Variants in KCNB2 observed in about 807,000 individuals in gnomAD.
KCNB2 encodes the protein potassium voltage-gated channel subfamily B member 2, also known as delayed rectifier potassium channel protein.
In KCNB2, 15 loss-of-function variants were observed where a neutral mutation model predicts 61.5. The observed-to-expected ratio is 0.24, with a 90% CI of 0.16 to 0.38. KCNB2 has a LOEUF of 0.38. Ranked by LOEUF, KCNB2 falls within the 10% of genes least tolerant of loss-of-function variation. The probability of loss-of-function intolerance (pLI) is 1.00; values close to 1 mark genes in which losing one functional copy is unlikely to be tolerated. For synonymous variants in KCNB2, 457 were observed against 446.0 expected, an observed-to-expected ratio of 1.02 and a Z score of -0.31; for missense variants, 828 against 1,125.2, an observed-to-expected ratio of 0.74 and a Z score of 3.78.
At chr8:72,617,188 T>C (rs574814054) in intron 2 of KCNB2, among the ~76,000 whole-genome samples, 1 of 152,336 alleles carries the variant, frequency 6.6e-6, no homozygotes, top group South Asian at 2.1e-4. Context: ...GGTATCCTTA[T>C]GTCACCTTCT....
chr8:72,708,850 G>A (rs1335351179), intron 2 of KCNB2, among the ~76,000 whole-genome samples: 1 of 152,154 alleles, frequency 6.6e-6, no homozygotes, highest in Non-Finnish European at 1.5e-5. Flanking sequence ...TAAAGAATGA[G>A]AATCTGGCAT....
chr8:72,725,316 A>C (rs1415702896), intron 2 of KCNB2, among the ~76,000 whole-genome samples: 1 of 151,742 alleles, frequency 6.6e-6, no homozygotes, highest in Non-Finnish European at 1.5e-5. Context: ...GCATGGAGCC[A>C]GCACATTGAT....
chr8:72,920,490 A>ATGT (rs1806502024), intron 2 of KCNB2, among the ~76,000 whole-genome samples: 3 of 37,114 alleles, frequency 8.1e-5, no homozygotes, highest in African/African-American at 1.5e-4. Flanking sequence ...TATATATATT[A>ATGT]GCTGGCCATG....
At chr8:72,559,910 A>C (rs978223437) in intron 1 of KCNB2, among the ~76,000 whole-genome samples, 4 of 152,206 alleles carry the variant, frequency 2.6e-5, no homozygotes, top group Admixed American at 6.5e-5. Context: ...AGGTCAGACA[A>C]GTCATGCGAC....
In KCNB2 at chr8:72,848,305, G is replaced by A. The variant is rs983779308; in HGVS notation, c.580-87630G>A. On this transcript the variant is annotated intron_variant, in intron 2 of 2. Coordinates refer to ENST00000523207, the MANE Select transcript of KCNB2 (RefSeq NM_004770.3). ...CCAGCCTTTAGTAGCTACTTGAATT[G>A]TTGGCTTTGGTTTCCAAAGTGGGGA... Among the ~76,000 whole-genome samples, 4 of 152,140 alleles carry A rather than the reference G, an allele frequency of 2.6e-5. No homozygotes were observed. In the South Asian group the frequency reaches 6.2e-4, roughly 24 times the overall value.
At chr8:72,853,745 G>C (rs1810158852) in intron 2 of KCNB2, among the ~76,000 whole-genome samples, 1 of 152,184 alleles carries the variant, frequency 6.6e-6, no homozygotes, top group Non-Finnish European at 1.5e-5. Flanking sequence ...AATTCTCTGA[G>C]AGTTGATGTT....
intron 2 of KCNB2, among the ~76,000 whole-genome samples, chr8:72,659,120 G>A (rs1046143372): frequency 3.9e-5 from 6 of 152,138 alleles, no homozygotes; most frequent in Non-Finnish European, 7.4e-5. Flanking sequence ...TCTCTGCAAA[G>A]TAAATTGAAA....
chr8:72,668,587 G>A (rs982933350), intron 2 of KCNB2, among the ~76,000 whole-genome samples: 3 of 152,136 alleles, frequency 2.0e-5, no homozygotes, highest in African/African-American at 7.2e-5. Flanking sequence ...CCTTGGGCCA[G>A]TGTCCTGTGT....
At chr8:72,762,856 A>G (rs1462595421) in intron 2 of KCNB2, among the ~76,000 whole-genome samples, 3 of 147,184 alleles carry the variant, frequency 2.0e-5, no homozygotes, top group Non-Finnish European at 4.5e-5. Flanking sequence ...AAAACAGAAC[A>G]AAGCAAAAAG....
intron 2 of KCNB2, among the ~76,000 whole-genome samples, chr8:72,582,028 T>C (rs1219980643): frequency 6.6e-6 from 1 of 152,240 alleles, no homozygotes; most frequent in African/African-American, 2.4e-5. Context: ...TTACAGGTCC[T>C]AGGCCCCAAG....
intron 2 of KCNB2, among the ~76,000 whole-genome samples, chr8:72,759,658 G>T (rs558749303): frequency 6.6e-6 from 1 of 152,146 alleles, no homozygotes; most frequent in Admixed American, 6.6e-5. Context: ...CACCATTCCT[G>T]TACTTTGGAA....
intron 2 of KCNB2, among the ~76,000 whole-genome samples, chr8:72,578,231 G>C (rs1806828421): frequency 6.6e-6 from 1 of 152,148 alleles, no homozygotes. Context: ...ATATCCCTGT[G>C]GTGAACAACC....
intron 2 of KCNB2, among the ~76,000 whole-genome samples, chr8:72,811,641 C>T (rs1809307369): frequency 6.6e-6 from 1 of 152,084 alleles, no homozygotes; most frequent in Non-Finnish European, 1.5e-5. Context: ...GTAAACATTT[C>T]CTTTTTTTAG....
At chr8:72,776,411 T>A (rs987119675) in intron 2 of KCNB2, among the ~76,000 whole-genome samples, 1 of 152,154 alleles carries the variant, frequency 6.6e-6, no homozygotes, top group Non-Finnish European at 1.5e-5. Flanking sequence ...TTTTAAAAAA[T>A]CATTTGATTA....
At chr8:72,905,575 G>A (rs949662436) in intron 2 of KCNB2, among the ~76,000 whole-genome samples, 1 of 152,118 alleles carries the variant, frequency 6.6e-6, no homozygotes. Context: ...GGGGTCACTC[G>A]GTGCAGCCGA....
At chr8:72,727,671 C>T (rs1563572734) in intron 2 of KCNB2, among the ~76,000 whole-genome samples, 1 of 152,088 alleles carries the variant, frequency 6.6e-6, no homozygotes, top group Non-Finnish European at 1.5e-5. Context: ...GAACCATTAG[C>T]CAGGAGAATT....
At chr8:72,746,327 T>C (rs1808064608) in intron 2 of KCNB2, among the ~76,000 whole-genome samples, 1 of 75,804 alleles carries the variant, frequency 1.3e-5, no homozygotes, top group South Asian at 4.3e-4. Flanking sequence ...ATCAATATTA[T>C]GAAAAGTGGT....
At chr8:72,864,688 C>T (rs763654607) in intron 2 of KCNB2, among the ~76,000 whole-genome samples, 20 of 152,142 alleles carry the variant, frequency 1.3e-4, no homozygotes, top group Non-Finnish European at 2.5e-4. Context: ...AGCAGAAAGA[C>T]GAAGGTGACT....
chr8:72,658,931 C>T (rs1806336365), intron 2 of KCNB2, among the ~76,000 whole-genome samples: 1 of 152,190 alleles, frequency 6.6e-6, no homozygotes, highest in South Asian at 2.1e-4. Flanking sequence ...ACTGACAATG[C>T]ACTTGGTCTC....
Sources: gnomAD v4.1 joint callset for allele counts (sites outside exome capture counted in the v4.1 genomes callset) on GRCh38, gnomAD v4.1.1 for gene constraint, MANE v1.5 for transcripts, NCBI Gene and HGNC (gene_info 2026-07-23, HGNC 2026-07-21) for gene names.